PARP10: variants seen among roughly 807,000 people sequenced by gnomAD.
The protein encoded by PARP10 is protein mono-ADP-ribosyltransferase PARP10.
Under a neutral mutation model 82.4 loss-of-function variants are expected in PARP10, and 56 were observed. That is an observed-to-expected ratio of 0.68 (90% CI 0.55 to 0.85). The LOEUF (loss-of-function observed/expected upper bound fraction) is 0.85. Among genes scored for constraint, PARP10 ranks in the 40% least tolerant of loss-of-function variants. PARP10 has a pLI of 0.00. For synonymous variants in PARP10, 576 were observed against 601.1 expected, an observed-to-expected ratio of 0.96 and a Z score of 0.61; for missense variants, 1,227 against 1,379.4, an observed-to-expected ratio of 0.89 and a Z score of 1.75.
Position 143,977,505 on chromosome 8 carries a change from C to T in PARP10, c.3057G>A (p.Pro1019=), listed in dbSNP as rs781846023. The T allele has an allele frequency of 1.9e-6, 3 of 1,553,018 alleles. No individual in the cohort carries two copies. Among genetic ancestry groups the T allele is most frequent in the African/African-American group, 1.4e-5 (1 of 73,352 alleles). The part of the protein sequence containing the change: ...RASPDDPSGL[P]GRSPDT ...TCGGTTAAGTGTCTGGGGAGCGGCCCGGGAGCCCAGAGGGGTCGTCGGGGG... is the reference window on the plus strand; with the variant it reads ...TCGGTTAAGTGTCTGGGGAGCGGCCTGGGAGCCCAGAGGGGTCGTCGGGGG... Residue 1019 remains proline (P), a synonymous_variant, in exon 11 of 11, where the codon CCG becomes CCA. Transcript: ENST00000313028.
At chr8:143,994,961 G>GC (rs201669302), upstream of PARP10, among the ~76,000 whole-genome samples, 6 of 152,182 alleles carry the variant, frequency 3.9e-5, no homozygotes, top group African/African-American at 1.2e-4. Context: ...GCGGGGGCAG[G>GC]GGTGGTCTCG....
intron 1 of PARP10, among the ~76,000 whole-genome samples, chr8:143,999,890 G>A (rs1554751577): frequency 6.6e-6 from 1 of 152,124 alleles, no homozygotes; most frequent in Non-Finnish European, 1.5e-5. Context: ...AGAGAATAAA[G>A]AGAATGGATA....
At chr8:144,010,222 A>G (rs1554752358) in intron 1 of PARP10, among the ~76,000 whole-genome samples, 1 of 152,192 alleles carries the variant, frequency 6.6e-6, no homozygotes, top group Non-Finnish European at 1.5e-5. Context: ...CTCAGCATTT[A>G]TATATGATCA....
intron 9 of PARP10, among the ~76,000 whole-genome samples, chr8:143,979,799 G>C (rs1454715032): frequency 6.6e-6 from 1 of 152,136 alleles, no homozygotes; most frequent in Non-Finnish European, 1.5e-5. Context: ...GCCGAGGTGG[G>C]CGGATCACGA....
intron 1 of PARP10, among the ~76,000 whole-genome samples, chr8:143,998,371 T>C (rs11779776): frequency 0.3 from 46,252 of 152,098 alleles, 7,563 homozygotes; most frequent in Non-Finnish European, 0.36. Flanking sequence ...CGCTCAGCTC[T>C]GCCTCTATTG....
chr8:143,991,176 C>T (rs373754213), upstream of PARP10: 9 of 1,423,274 alleles, frequency 6.3e-6, no homozygotes, highest in East Asian at 7.7e-5. Context: ...AACTGTTCCA[C>T]TGTTCCTTGT....
chr8:143,996,371 C>A (rs1427079642), intron 1 of PARP10, among the ~76,000 whole-genome samples: 10 of 152,242 alleles, frequency 6.6e-5, no homozygotes, highest in African/African-American at 2.4e-4. Flanking sequence ...CCATTCCCCA[C>A]CCTGCAAAGC....
chr8:143,994,579 G>A (rs1366533867), upstream of PARP10, among the ~76,000 whole-genome samples: 4 of 152,174 alleles, frequency 2.6e-5, no homozygotes, highest in African/African-American at 9.7e-5. Context: ...TCAGCCGGGG[G>A]CCCTGACCCT....
At position 144,008,607 on chromosome 8, in the gene PARP10, C is replaced by G. The variant is rs1395461963; in HGVS notation, c.-80+3923G>C. On this transcript the variant is annotated intron_variant, in intron 1 of 3. Coordinates refer to the PARP10 transcript ENST00000530478. This position sits in a 1 kb window ranked among gnomAD's most constrained non-coding sequence, Gnocchi z 4.0. ...GGAGGTTCCTGTCACTCCTGCGGGC[C>G]CAGCCTCCCTGCAGCCAGGAACTGG... is the stretch of plus-strand genomic sequence containing the variant. 6.6e-6 allele frequency among the ~76,000 whole-genome samples: 1 copy of G among 152,186 alleles called. No individual in the cohort carries two copies. The highest frequency in any genetic ancestry group is 1.5e-5 in the Non-Finnish European group (1 of 68,032).
At chr8:144,001,266 C>T (rs553316645) in intron 1 of PARP10, among the ~76,000 whole-genome samples, 1 of 152,082 alleles carries the variant, frequency 6.6e-6, no homozygotes, top group South Asian at 2.1e-4. Context: ...GGCTGGAGTG[C>T]AGAGGCATGG....
Position 144,008,144 on chromosome 8 carries a change from T to C in PARP10, c.-80+4386A>G, listed in dbSNP as rs528035385. On this transcript the variant is annotated intron_variant, in intron 1 of 3. Coordinates refer to the PARP10 transcript ENST00000530478. This position sits in a 1 kb window ranked among gnomAD's most constrained non-coding sequence, Gnocchi z 4.0. ...TTCAACATGGCCACGGCAGGCAGGA[T>C]TGAAATGTTCGCATGGCCAGTACTG... Among the ~76,000 whole-genome samples, 7 of 152,062 alleles carry C rather than the reference T, an allele frequency of 4.6e-5. No homozygotes were observed. Among genetic ancestry groups the C allele is most frequent in the African/African-American group, 1.7e-4 (7 of 41,494 alleles).
Position 144,008,536 on chromosome 8 carries a change from G to A in PARP10, c.-80+3994C>T, listed in dbSNP as rs1363426509. 6.6e-6 allele frequency among the ~76,000 whole-genome samples: 1 copy of A among 152,196 alleles called. No individual in the cohort carries two copies. Among genetic ancestry groups the A allele is most frequent in the Non-Finnish European group, 1.5e-5 (1 of 68,048 alleles). On this transcript the variant is annotated intron_variant, in intron 1 of 3. Coordinates refer to the PARP10 transcript ENST00000530478. The surrounding 1 kb of genome is among the most constrained non-coding windows in gnomAD (Gnocchi z 4.0). Reference sequence around the variant, plus strand: ...ACAACACTGGAGGTTTGTTCACAGTGAGCCCCTAACGGGCCGGGAGGAGCG... The same window carrying A: ...ACAACACTGGAGGTTTGTTCACAGTAAGCCCCTAACGGGCCGGGAGGAGCG...
At position 143,985,132 on chromosome 8, in the gene PARP10, T is replaced by A. The variant is rs1554748947; in HGVS notation, c.870A>T (p.Ala290=). Residue 290 remains alanine (A), a synonymous_variant, in exon 5 of 11, where the codon GCA becomes GCT. Transcript: ENST00000313028. ...CGCCAGAGCCCATTGTCACAGTCCCTGCACCCTGCAGAGCCGTCACCAACC... is the reference window on the plus strand; with the variant it reads ...CGCCAGAGCCCATTGTCACAGTCCCAGCACCCTGCAGAGCCGTCACCAACC... ...TGGLVTALQG[A]GTVTMGSGEE... 2 of 1,613,948 alleles carry A rather than the reference T, an allele frequency of 1.2e-6. No homozygotes were observed.
intron 1 of PARP10, among the ~76,000 whole-genome samples, chr8:144,004,813 C>A (rs1834223844): frequency 6.6e-6 from 1 of 152,146 alleles, no homozygotes; most frequent in African/African-American, 2.4e-5. Context: ...GACCCAGTGT[C>A]CCAGAGCAGG....
chr8:143,993,428 A>C (rs2133068162), upstream of PARP10: 1 of 154,916 alleles, frequency 6.5e-6, no homozygotes, highest in Non-Finnish European at 1.4e-5. Context: ...TCCCCTGGTC[A>C]CTCTTCTCCC....
In PARP10 at chr8:143,983,233, C is replaced by G. The variant is rs781988155; in HGVS notation, c.2356G>C (p.Val786Leu). ...AHPARAARHLVALLAGPWDQS... is the reference protein window; with the variant it reads ...AHPARAARHLLALLAGPWDQS... ...TCCCAGGGGCCAGCCAGAAGTGCCA[C>G]CAAGTGGCGGGCAGCACGGGCAGGG... The change falls in exon 8 of 11, where the codon GTG (valine) becomes CTG (leucine). Residue 786 changes from valine (V) to leucine (L), a missense_variant. By Grantham distance (32) the Val-to-Leu change is conservative. Transcript: ENST00000313028. 2.9e-5 allele frequency: 46 copies of G among 1,613,518 alleles called. 1 individual carries two copies. The Middle Eastern group carries it at 2.3e-3, about 81-fold the overall frequency.
chr8:143,991,546 C>T (rs1322266792), upstream of PARP10: 2 of 1,565,520 alleles, frequency 1.3e-6, no homozygotes, highest in Non-Finnish European at 1.7e-6. Flanking sequence ...CCCCAGAGCC[C>T]CTTCCCCCCC....
At chr8:143,983,969 G>T in intron 7 of PARP10, 39 bp downstream of exon 7, 1 of 1,488,784 alleles carries the variant, frequency 6.7e-7, no homozygotes, top group South Asian at 1.4e-5. Context: ...GGTCAAGTGA[G>T]GGCCACAGGA....
rs1554749074 is a variant in PARP10 at position 143,985,466 on chromosome 8, G to T, written c.619C>A (p.Leu207Met). 3 of 1,613,080 alleles carry T rather than the reference G, an allele frequency of 1.9e-6. No individual in the cohort carries two copies. The South Asian group carries it at 3.3e-5, about 18-fold the overall frequency. ...RRSGGGPLEDLQRLPGPLGTV... is the reference protein window; with the variant it reads ...RRSGGGPLEDMQRLPGPLGTV... The stretch of plus-strand genomic sequence containing the variant: ...CCCAGGGGCCCGGGTAGGCGTTGCA[G>T]GTCCTCCAGGGGCCCCCCACCACTG... The change falls in exon 4 of 11, where the codon CTG (leucine) becomes ATG (methionine). Residue 207 changes from leucine (L) to methionine (M), a missense_variant. Physicochemically the swap from Leu to Met is conservative, Grantham distance 15 (BLOSUM62 2). Transcript: ENST00000313028.
Sources: gnomAD v4.1 joint callset for allele counts (sites outside exome capture counted in the v4.1 genomes callset) on GRCh38, gnomAD v4.1.1 for gene constraint, Gnocchi (gnomAD v3.1) non-coding constraint, MANE v1.5 for transcripts, NCBI Gene and HGNC (gene_info 2026-07-23, HGNC 2026-07-21) for gene names.